The following PARD3B variants were observed in gnomAD, a reference collection of about 807,000 sequenced individuals.
The protein encoded by PARD3B is partitioning defective 3 homolog B.
PARD3B carries 103 observed loss-of-function variants against 130.2 expected under a neutral mutation model. That is an observed-to-expected ratio of 0.79 (90% CI 0.67 to 0.93). The LOEUF is 0.93. PARD3B is among the 40% of genes least tolerant of loss of function. The pLI is 0.00. For missense variants in PARD3B, 1,609 were observed against 1,499.2 expected (o/e 1.07, Z -1.21); for synonymous variants, 583 against 553.2 (o/e 1.05, Z -0.76).
chr2:204,838,837 A>G (rs1233653845), intron 2 of PARD3B, among the ~76,000 whole-genome samples: 1 of 152,182 alleles, frequency 6.6e-6, no homozygotes, highest in Non-Finnish European at 1.5e-5. Context: ...ATGTACATCT[A>G]TTGTGTATCA....
chr2:204,761,846 A>T, intron 2 of PARD3B, among the ~76,000 whole-genome samples: 1 of 152,006 alleles, frequency 6.6e-6, no homozygotes, highest in Admixed American at 6.6e-5. Flanking sequence ...TTAATTTTAT[A>T]TTTTAAAACA....
chr2:205,573,806 T>G (rs1042413409), intron 22 of PARD3B, among the ~76,000 whole-genome samples: 3 of 152,144 alleles, frequency 2.0e-5, no homozygotes, highest in African/African-American at 7.2e-5. Flanking sequence ...ATCAGGAAAT[T>G]TATACTCTTT....
intron 22 of PARD3B, among the ~76,000 whole-genome samples, chr2:205,582,781 T>G (rs529041874): frequency 1.3e-5 from 2 of 152,070 alleles, no homozygotes; most frequent in South Asian, 4.2e-4. Flanking sequence ...GAGGAGTTTA[T>G]TAGTGACACT....
At chr2:204,966,015 C>T (rs191870166) in intron 3 of PARD3B, among the ~76,000 whole-genome samples, 258 of 152,096 alleles carry the variant, frequency 1.7e-3, no homozygotes, top group Non-Finnish European at 1.6e-3. Context: ...ACTTTTTATG[C>T]CTGTGGAATG....
At chr2:205,083,458 G>A (rs1288410590) in intron 4 of PARD3B, among the ~76,000 whole-genome samples, 1 of 151,834 alleles carries the variant, frequency 6.6e-6, no homozygotes, top group African/African-American at 2.4e-5. Context: ...CAACATCATG[G>A]TAGAAAAAGG....
chr2:205,447,969 T>C (rs2047965639), intron 20 of PARD3B, among the ~76,000 whole-genome samples: 1 of 152,210 alleles, frequency 6.6e-6, no homozygotes, highest in South Asian at 2.1e-4. Context: ...TTTAGGTATT[T>C]AAAGTGACTG....
chr2:205,059,621 A>G (rs561662815), intron 4 of PARD3B, among the ~76,000 whole-genome samples: 72 of 147,084 alleles, frequency 4.9e-4, no homozygotes, highest in African/African-American at 1.4e-3. Context: ...AGTTTTCTGC[A>G]TATGTCTCCT....
intron 12 of PARD3B, among the ~76,000 whole-genome samples, chr2:205,172,720 C>T (rs976109905): frequency 5.9e-5 from 9 of 152,100 alleles, no homozygotes; most frequent in African/African-American, 2.2e-4. Context: ...CACATGTGTA[C>T]AATGTTTAAT....
At chr2:205,489,500 T>TATATATACGTATATATATACAC (rs1559141226) in intron 20 of PARD3B, among the ~76,000 whole-genome samples, 1 of 139,404 alleles carries the variant, frequency 7.2e-6, no homozygotes, top group Non-Finnish European at 1.5e-5. Context: ...TATGTGTGTA[T>TATATATACGTATATATATACAC]ATATATATAC....
chr2:204,615,952 T>C (rs1358329967), intron 1 of PARD3B, among the ~76,000 whole-genome samples: 1 of 152,166 alleles, frequency 6.6e-6, no homozygotes, highest in Non-Finnish European at 1.5e-5. Flanking sequence ...TGAAGTCAGC[T>C]TTTTAAACTA....
At chr2:205,036,495 A>G (rs929091814) in intron 3 of PARD3B, among the ~76,000 whole-genome samples, 13 of 148,630 alleles carry the variant, frequency 8.7e-5, no homozygotes, top group Non-Finnish European at 1.5e-4. Context: ...AAAAACATAT[A>G]GCAGACTATA....
chr2:205,409,996 G>A lies in PARD3B; in HGVS notation c.2741+8873G>A, dbSNP rs541172249. Among the ~76,000 whole-genome samples the A allele has an allele frequency of 5.3e-5, 8 of 152,118 alleles. No homozygotes were observed. The South Asian group carries it at 1.7e-3, about 32-fold the overall frequency. ...ATTCAATGTAATCCATAATTTTTTT[G>A]TAATTCACTGGATTTTATGCCAATC... On this transcript the variant is annotated intron_variant, in intron 19 of 22. Coordinates refer to ENST00000406610, the MANE Select transcript of PARD3B (RefSeq NM_001302769.2).
At chr2:205,025,278 G>C (rs1696930025) in intron 3 of PARD3B, among the ~76,000 whole-genome samples, 1 of 152,104 alleles carries the variant, frequency 6.6e-6, no homozygotes, top group Admixed American at 6.6e-5. Context: ...CATAATCAGG[G>C]TGATTCACAG....
chr2:205,059,966 G>C (rs962673584), intron 4 of PARD3B, among the ~76,000 whole-genome samples: 1 of 152,048 alleles, frequency 6.6e-6, no homozygotes, highest in East Asian at 1.9e-4. Flanking sequence ...TGCAAGTTCA[G>C]CTTTATTGCC....
chr2:204,983,765 T>G (rs903364541), intron 3 of PARD3B, among the ~76,000 whole-genome samples: 1 of 152,186 alleles, frequency 6.6e-6, no homozygotes, highest in Non-Finnish European at 1.5e-5. Flanking sequence ...CCAAGAGAAT[T>G]TAGTATAGAC....
rs753544159 is a variant in PARD3B at position 205,104,419 on chromosome 2, A to C, written c.505-7A>C. The C allele has an allele frequency of 6.4e-7, 1 of 1,572,382 alleles. No individual in the cohort carries two copies. Among genetic ancestry groups the C allele is most frequent in the East Asian group, 2.2e-5 (1 of 44,588 alleles). ...CATCACATGCTTATGACTTTGTTTCACTATAGGATTCCACGCAGAACTTGG... is the reference window on the plus strand; with the variant it reads ...CATCACATGCTTATGACTTTGTTTCCCTATAGGATTCCACGCAGAACTTGG... On this transcript the variant is annotated splice_polypyrimidine_tract_variant and splice_region_variant and intron_variant, in intron 4 of 22. Transcript: ENST00000406610.
intron 21 of PARD3B, among the ~76,000 whole-genome samples, chr2:205,514,709 C>A (rs2050720600): frequency 6.6e-6 from 1 of 151,968 alleles, no homozygotes; most frequent in African/African-American, 2.4e-5. Flanking sequence ...CAAGAAGTTA[C>A]AACTACAGCC....
At chr2:205,242,024 C>T (rs1413914578) in intron 15 of PARD3B, among the ~76,000 whole-genome samples, 1 of 152,126 alleles carries the variant, frequency 6.6e-6, no homozygotes, top group African/African-American at 2.4e-5. Flanking sequence ...CTTCCCAGCA[C>T]TAAGCATGTG....
intron 3 of PARD3B, among the ~76,000 whole-genome samples, chr2:205,004,812 C>T (rs1450776000): frequency 6.6e-6 from 1 of 152,136 alleles, no homozygotes; most frequent in Non-Finnish European, 1.5e-5. Context: ...ATGTGCTATT[C>T]GTTGGTTCAA....
Sources: allele counts gnomAD v4.1 joint callset (sites outside exome capture counted in the v4.1 genomes callset), GRCh38; gene constraint gnomAD v4.1.1; transcripts MANE v1.5; gene names NCBI Gene and HGNC (gene_info 2026-07-23, HGNC 2026-07-21).